LIMK1: variants seen among roughly 807,000 people sequenced by gnomAD.
LIMK1 encodes LIM motif-containing protein kinase.
In LIMK1, 21 loss-of-function variants were observed where a neutral mutation model predicts 77.6. The ratio of observed to expected loss-of-function variants is 0.27; its 90% CI spans 0.19 to 0.39. LIMK1 has a LOEUF of 0.39. Ranked by LOEUF, LIMK1 falls within the 10% of genes least tolerant of loss-of-function variation. LIMK1 has a pLI of 1.00. For missense variants in LIMK1, 696 were observed against 901.6 expected, an observed-to-expected ratio of 0.77 and a Z score of 2.92; for synonymous variants, 358 against 370.0, an observed-to-expected ratio of 0.97 and a Z score of 0.37.
intron 13 of LIMK1, among the ~76,000 whole-genome samples, chr7:74,116,665 C>A (rs1404217544): frequency 1.3e-5 from 2 of 151,708 alleles, no homozygotes; most frequent in Non-Finnish European, 2.9e-5. Flanking sequence ...ATCTCTGCAT[C>A]CATCCCCGCA....
Position 74,106,226 on chromosome 7 carries a change from C to A in LIMK1, c.864C>A (p.Ala288=). The stretch of plus-strand genomic sequence containing the variant: ...CCAGCGGGGAGGCGGGCAGCTCTGC[C>A]CGGCAGAAACCTGTCTTGTAAGTCA... ...YTPSGEAGSS[A]RQKPVLRSCS... is the part of the protein sequence containing the mutation. The change falls in exon 7 of 16, where the codon GCC becomes GCA. Residue 288 remains alanine, a synonymous_variant. Coordinates refer to ENST00000336180, the MANE Select transcript of LIMK1 (RefSeq NM_002314.4). 6.2e-7 allele frequency: 1 copy of A among 1,611,346 alleles called. No individual in the cohort carries two copies. The highest frequency in any genetic ancestry group is 8.5e-7 in the Non-Finnish European group (1 of 1,179,370).
chr7:74,099,330 T>G, intron 5 of LIMK1, 92 bp downstream of exon 5: 1 of 1,261,806 alleles, frequency 7.9e-7, no homozygotes, highest in Non-Finnish European at 1.1e-6. Context: ...TGAAAATGAA[T>G]GGGCGAGTGT....
chr7:74,102,340 A>G (rs376816263), intron 5 of LIMK1, among the ~76,000 whole-genome samples: 27 of 152,032 alleles, frequency 1.8e-4, no homozygotes, highest in African/African-American at 6.3e-4. Flanking sequence ...ATATATGGAT[A>G]CAGATACATA....
At chr7:74,097,225 C>G (rs1799354191) in intron 4 of LIMK1, 36 bp downstream of exon 4, 2 of 1,370,792 alleles carry the variant, frequency 1.5e-6, no homozygotes, top group Non-Finnish European at 2.0e-6. Context: ...CCTAGGAGGC[C>G]CACCTGTGTC....
intron 1 of LIMK1, among the ~76,000 whole-genome samples, chr7:74,085,029 T>C (rs1438843506): frequency 6.6e-6 from 1 of 152,276 alleles, no homozygotes; most frequent in Admixed American, 6.5e-5. Flanking sequence ...CCATGCCATC[T>C]CTGGGGCTCA....
rs116217334 is a variant in LIMK1, at chr7:74,112,129, G to C, written c.1410+131G>C. On this transcript the variant is annotated intron_variant, in intron 12 of 15. Coordinates refer to ENST00000336180, the MANE Select transcript of LIMK1 (RefSeq NM_002314.4). Reference sequence around the variant, plus strand: ...CATGACTTCAATTTGAGGTGGGGGTGGGGGGCAGCAGCCCGTGGGGAAGAG... The same window carrying C: ...CATGACTTCAATTTGAGGTGGGGGTCGGGGGCAGCAGCCCGTGGGGAAGAG... 2.7e-3 allele frequency: 1,967 copies of C among 735,438 alleles called. 26 individuals are homozygous for C. The African/African-American group carries it at 0.03, about 11-fold the overall frequency. 45.6% of individuals were successfully genotyped at this position (735,438 alleles called of 1,614,324 possible).
At chr7:74,105,365 T>C (rs1799545859) in intron 5 of LIMK1, among the ~76,000 whole-genome samples, 1 of 152,006 alleles carries the variant, frequency 6.6e-6, no homozygotes, top group Admixed American at 6.6e-5. Context: ...CAAAAAAAAT[T>C]AGCTGGGTGT....
Position 74,085,813 on chromosome 7 carries a change from C to G in LIMK1, c.121C>G (p.Leu41Val). The G allele has an allele frequency of 1.9e-6, 3 of 1,561,432 alleles. No homozygotes were observed. The highest frequency in any genetic ancestry group is 1.7e-6 in the Non-Finnish European group (2 of 1,152,632). Residue 41 changes from leucine to valine, a missense_variant, in exon 2 of 16, where the codon CTG (leucine) becomes GTG (valine). Physicochemically the swap from Leu to Val is conservative, Grantham distance 32. Transcript: ENST00000336180. ...CTATGATGGCCAGTACCTCCAGGCC[C>G]TGAACGCGGACTGGCACGCAGACTG... ...RIYDGQYLQA[L>V]NADWHADCFR...
Position 74,121,398 on chromosome 7 carries a change from C to T in LIMK1, c.*97C>T. On this transcript the variant is annotated 3_prime_UTR_variant, in exon 16 of 16. Transcript: ENST00000336180. ...TGGCCCTCAGCTGGGACAGTGGGGA[C>T]CCAGGCTTCTCCTCAGAGCCAGGCC... The T allele has an allele frequency of 1.6e-6, 2 of 1,234,350 alleles. No individual in the cohort carries two copies. Among genetic ancestry groups the T allele is most frequent in the Admixed American group, 2.6e-5 (1 of 38,364 alleles). The allele number at this position is 1,234,350 out of a possible 1,614,324, so 76.5% of individuals were successfully genotyped here.
chr7:74,089,947 G>A (rs1331143187), intron 2 of LIMK1, among the ~76,000 whole-genome samples: 1 of 152,144 alleles, frequency 6.6e-6, no homozygotes, highest in Non-Finnish European at 1.5e-5. Flanking sequence ...AGCCACAGGA[G>A]GGAAGCCGTG....
chr7:74,108,921 G>A lies in LIMK1; in HGVS notation c.1169G>A (p.Cys390Tyr). 1 of 1,613,942 alleles carries A rather than the reference G, an allele frequency of 6.2e-7. No homozygotes were observed. The highest frequency in any genetic ancestry group is 8.5e-7 in the Non-Finnish European group (1 of 1,179,904). Residue 390 changes from cysteine to tyrosine, a missense_variant, in exon 10 of 16, where the codon TGC becomes TAC. Transcript: ENST00000336180. ...CCCCGCCAGGTGAAGGTCATGCGAT[G>A]CCTGGAACACCCCAACGTGCTCAAG... Reference protein sequence around the residue: ...TFLKEVKVMRCLEHPNVLKFI... With the variant: ...TFLKEVKVMRYLEHPNVLKFI...
At chr7:74,086,325 A>G (rs1209105739) in intron 2 of LIMK1, among the ~76,000 whole-genome samples, 1 of 152,016 alleles carries the variant, frequency 6.6e-6, no homozygotes, top group Non-Finnish European at 1.5e-5. Context: ...GATGACAGAC[A>G]TAAACCACCG....
rs1554697408 is a variant in LIMK1, at chr7:74,105,991, G to A, written c.714+11G>A. ...GTGCCCCTGGACGAGGTACGGTCCT[G>A]AGTCTGTGGGGCAGGACGGGAGGTA... On this transcript the variant is annotated intron_variant, in intron 6 of 15. Transcript: ENST00000336180. 2.5e-6 allele frequency: 4 copies of A among 1,613,828 alleles called. No individual in the cohort carries two copies. The highest frequency in any genetic ancestry group is 2.2e-5 in the East Asian group (1 of 44,894).
chr7:74,107,840 C>T, intron 8 of LIMK1, 31 bp from the exon 9 acceptor site: 1 of 1,538,792 alleles, frequency 6.5e-7, no homozygotes, highest in Non-Finnish European at 8.8e-7. Context: ...AGCAGAGCTT[C>T]TGTCTTCACA....
chr7:74,096,817 A>G (rs1799345828), intron 3 of LIMK1, 57 bp downstream of exon 3: 3 of 1,528,286 alleles, frequency 2.0e-6, no homozygotes, highest in East Asian at 2.3e-5. Context: ...AGCAGACCCC[A>G]TGCTCCAGGT....
chr7:74,111,844 G>A, intron 11 of LIMK1, 89 bp from the exon 12 acceptor site: 2 of 1,441,652 alleles, frequency 1.4e-6, no homozygotes, highest in South Asian at 1.1e-5. Flanking sequence ...GCCTGATTGG[G>A]GTGGGAGCAG....
intron 12 of LIMK1, among the ~76,000 whole-genome samples, chr7:74,113,856 C>A (rs1023826924): frequency 1.3e-5 from 2 of 151,712 alleles, no homozygotes; most frequent in Admixed American, 6.6e-5. Context: ...AGTTGGAAGG[C>A]TAGGTGGGAG....
At chr7:74,108,807 C>A in intron 9 of LIMK1, 98 bp from the exon 10 acceptor site, 1 of 1,520,160 alleles carries the variant, frequency 6.6e-7, no homozygotes, top group Non-Finnish European at 8.8e-7. Context: ...ATCTTTGAGA[C>A]CGCCTACAGC....
chr7:74,107,174 G>A lies in LIMK1; in HGVS notation c.1046G>A (p.Cys349Tyr). 6.2e-7 allele frequency: 1 copy of A among 1,611,148 alleles called. No individual in the cohort carries two copies. Residue 349 changes from cysteine to tyrosine, a missense_variant, in exon 8 of 16, where the codon TGC (cysteine) becomes TAC (tyrosine). Physicochemically the swap from Cys to Tyr is radical, Grantham distance 194. Around this residue, in one of 3 missense-constraint regions of LIMK1, gnomAD observed 438 missense variants for 602.3 expected, o/e 0.73. Transcript: ENST00000336180. ...CACGGGGAGGTGCTGGGCAAGGGCT[G>A]CTTCGGCCAGGCTATCAAGGTACAG... Reference protein sequence around the residue: ...LIHGEVLGKGCFGQAIKVTHR... With the variant: ...LIHGEVLGKGYFGQAIKVTHR...
Sources: allele counts gnomAD v4.1 joint callset (sites outside exome capture counted in the v4.1 genomes callset), GRCh38; gene constraint gnomAD v4.1.1; regional missense constraint gnomAD v4.1.1; transcripts MANE v1.5; gene names NCBI Gene and HGNC (gene_info 2026-07-23, HGNC 2026-07-21).